PDXDC1: variants seen among roughly 807,000 people sequenced by gnomAD.
The protein encoded by PDXDC1 is pyridoxal dependent decarboxylase domain containing 1.
In PDXDC1, 42 loss-of-function variants were observed where a neutral mutation model predicts 100.1. That is an observed-to-expected ratio of 0.42 (90% CI 0.33 to 0.54). The LOEUF (loss-of-function observed/expected upper bound fraction) is 0.54, where lower values mean the gene tolerates loss of function less well. PDXDC1 is among the 20% of genes least tolerant of loss of function. The pLI is 0.10. For missense variants in PDXDC1, 636 were observed against 979.2 expected (o/e 0.65, Z 4.68); for synonymous variants, 260 against 371.7 (o/e 0.70, Z 3.46).
chr16:15,039,211 T>G (rs1280265822), downstream of PDXDC1, among the ~76,000 whole-genome samples: 1 of 152,216 alleles, frequency 6.6e-6, no homozygotes, highest in Non-Finnish European at 1.5e-5. Flanking sequence ...CAATATTCAC[T>G]TTGGTAACTG....
Position 15,094,163 on chromosome 16 carries a change from A to C in PDXDC1, c.1400-44716A>C, listed in dbSNP as rs769574456. The C allele has an allele frequency of 8.1e-6, 13 of 1,601,574 alleles. No individual in the cohort carries two copies. The East Asian group carries it at 2.9e-4, about 36-fold the overall frequency. ...ATCTTACCCAGTCCTCGACGCGCCC[A>C]GCTTCTTAACTGCAGAGGACGAAGC... On this transcript the variant is annotated intron_variant, in intron 16 of 16. Transcript: ENST00000535621.
intron 3 of PDXDC1, among the ~76,000 whole-genome samples, chr16:15,001,066 G>A (rs1395938700): frequency 6.6e-6 from 1 of 152,226 alleles, no homozygotes; most frequent in African/African-American, 2.4e-5. Flanking sequence ...GCTAGAGCAA[G>A]ACTGGTGGCT....
intron 1 of PDXDC1, among the ~76,000 whole-genome samples, chr16:14,982,685 A>G (rs1349892899): frequency 1.3e-5 from 2 of 152,296 alleles, no homozygotes; most frequent in Non-Finnish European, 2.9e-5. Flanking sequence ...AAGTCACTGT[A>G]TCAGCTTGGA....
upstream of PDXDC1, chr16:14,974,847 C>T: frequency 6.5e-7 from 1 of 1,535,632 alleles, no homozygotes; most frequent in East Asian, 2.4e-5. Context: ...ATGAATAGTA[C>T]TTTGTGATTA....
At chr16:14,982,950 A>G (rs1189963024) in intron 1 of PDXDC1, among the ~76,000 whole-genome samples, 5 of 152,392 alleles carry the variant, frequency 3.3e-5, no homozygotes, top group Non-Finnish European at 7.3e-5. Flanking sequence ...TAGTTAAGTT[A>G]GGAACAGCTG....
downstream of PDXDC1, among the ~76,000 whole-genome samples, chr16:15,039,633 T>C (rs1034739751): frequency 2.5e-4 from 38 of 152,168 alleles, no homozygotes; most frequent in African/African-American, 8.7e-4. Context: ...GGGAGAAACC[T>C]CTCTCCTGCG....
At chr16:15,065,558 T>G (rs1296658466) in intron 16 of PDXDC1, among the ~76,000 whole-genome samples, 2 of 152,200 alleles carry the variant, frequency 1.3e-5, no homozygotes, top group African/African-American at 4.8e-5. Context: ...GTCTTCTATT[T>G]GCAAGTTTGC....
intron 16 of PDXDC1, among the ~76,000 whole-genome samples, chr16:15,129,486 C>A (rs1054386725): frequency 6.6e-6 from 1 of 152,212 alleles, no homozygotes; most frequent in Non-Finnish European, 1.5e-5. Context: ...AAGGGCAATT[C>A]CAATGAAAGG....
chr16:15,148,478 G>A, the PDXDC1 span, among the ~76,000 whole-genome samples: 4 of 143,514 alleles, frequency 2.8e-5, no homozygotes, highest in South Asian at 6.8e-4. Flanking sequence ...TGACCTCCTC[G>A]GCTCAAGTGA....
At chr16:14,990,724 G>A (rs1970586751) in intron 1 of PDXDC1, among the ~76,000 whole-genome samples, 1 of 152,272 alleles carries the variant, frequency 6.6e-6, no homozygotes, top group Non-Finnish European at 1.5e-5. Flanking sequence ...ACTCCCTGAA[G>A]AGCAAGAATG....
Position 15,108,296 on chromosome 16 carries a change from A to T in PDXDC1, c.1400-30583A>T. ...CCTGATACTTGGTTTTATAGGAAGG[A>T]TGTATAAAATTCCCAGAACGCTAGG... is the stretch of plus-strand genomic sequence containing the variant. On this transcript the variant is annotated intron_variant, in intron 16 of 16. Transcript: ENST00000535621. 28 of 941,126 alleles carry T rather than the reference A, an allele frequency of 3.0e-5. 1 individual carries two copies. Among genetic ancestry groups the T allele is most frequent in the Non-Finnish European group, 3.5e-5 (28 of 789,296 alleles). The allele number at this position is 941,126 out of a possible 1,614,324, so 58.3% of individuals were successfully genotyped here.
At chr16:15,144,023 C>T (rs1228185443), downstream of PDXDC1, among the ~76,000 whole-genome samples, 1 of 152,218 alleles carries the variant, frequency 6.6e-6, no homozygotes, top group African/African-American at 2.4e-5. Context: ...GTAACCGCTC[C>T]TCCCTCGGCA....
chr16:15,007,094 AG>A (rs2040839552), intron 6 of PDXDC1, among the ~76,000 whole-genome samples: 1 of 141,386 alleles, frequency 7.1e-6, no homozygotes, highest in Admixed American at 7.1e-5. Context: ...TATTTTATTT[AG>A]GGTTATGGTC....
intron 16 of PDXDC1, chr16:15,074,968 G>A: frequency 8.4e-7 from 1 of 1,194,388 alleles, no homozygotes; most frequent in Non-Finnish European, 1.1e-6. Context: ...AAAACAAAGA[G>A]GCTGGGGAAA....
chr16:15,046,567 T>G (rs922983970), intron 16 of PDXDC1, among the ~76,000 whole-genome samples: 2 of 152,076 alleles, frequency 1.3e-5, no homozygotes, highest in African/African-American at 4.8e-5. Context: ...AGAGGCCGCT[T>G]CTTATCCAGC....
intron 19 of PDXDC1, among the ~76,000 whole-genome samples, chr16:15,033,783 A>C (rs1190826578): frequency 6.6e-6 from 1 of 152,144 alleles, no homozygotes; most frequent in Non-Finnish European, 1.5e-5. Flanking sequence ...GGTTCCCCCT[A>C]CACCCCTTCC....
the PDXDC1 span, among the ~76,000 whole-genome samples, chr16:15,146,487 C>T: frequency 6.6e-6 from 1 of 152,152 alleles, no homozygotes; most frequent in African/African-American, 2.4e-5. Flanking sequence ...GCACGTCTCA[C>T]ACACACCAGA....
At chr16:15,040,203 C>T (rs1017430555), downstream of PDXDC1, 10 of 468,308 alleles carry the variant, frequency 2.1e-5, no homozygotes, top group Non-Finnish European at 3.8e-5. Flanking sequence ...CTGGACTTCC[C>T]CCTCCCTGGA....
chr16:15,093,731 G>C (rs2046234514), intron 16 of PDXDC1, among the ~76,000 whole-genome samples: 1 of 152,164 alleles, frequency 6.6e-6, no homozygotes, highest in South Asian at 2.1e-4. Flanking sequence ...ACAAATACGT[G>C]TGTCGAAACA....
Sources: gnomAD v4.1 joint callset for allele counts (sites outside exome capture counted in the v4.1 genomes callset) on GRCh38, gnomAD v4.1.1 for gene constraint, MANE v1.5 for transcripts, NCBI Gene and HGNC (gene_info 2026-07-23, HGNC 2026-07-21) for gene names.